Variants in ATXN1 observed in about 807,000 individuals in gnomAD.
ATXN1 encodes ataxin 1.
In ATXN1, 8 loss-of-function variants were observed where a neutral mutation model predicts 56.4. The observed-to-expected ratio is 0.14, with a 90% CI of 0.08 to 0.26. The LOEUF (loss-of-function observed/expected upper bound fraction) is 0.26, where lower values mean the gene tolerates loss of function less well. ATXN1 is among the 10% of genes least tolerant of loss of function. The probability of loss-of-function intolerance (pLI) is 1.00; values close to 1 mark genes in which losing one functional copy is unlikely to be tolerated. For synonymous variants in ATXN1, 514 were observed against 494.6 expected, an observed-to-expected ratio of 1.04 and a Z score of -0.52; for missense variants, 987 against 1,106.5, an observed-to-expected ratio of 0.89 and a Z score of 1.53.
intron 1 of ATXN1, chr6:16,754,705 A>G (rs548825548): frequency 6.6e-6 from 1 of 152,346 alleles, no homozygotes; most frequent in East Asian, 1.9e-4. Flanking sequence ...CTGATATGCA[A>G]AAGAAGGAAT....
chr6:16,435,392 G>C (rs552939049), intron 6 of ATXN1, among the ~76,000 whole-genome samples: 1 of 152,218 alleles, frequency 6.6e-6, no homozygotes, highest in East Asian at 1.9e-4. Context: ...TAGAGACTAA[G>C]CCATGAGGAA....
intron 6 of ATXN1, among the ~76,000 whole-genome samples, chr6:16,466,958 G>A (rs1253584998): frequency 6.6e-6 from 1 of 152,166 alleles, no homozygotes; most frequent in Non-Finnish European, 1.5e-5. Context: ...AATAGTCAGT[G>A]CCTTACACAA....
intron 6 of ATXN1, among the ~76,000 whole-genome samples, chr6:16,383,017 G>A (rs1758162873): frequency 6.6e-6 from 1 of 151,996 alleles, no homozygotes; most frequent in Non-Finnish European, 1.5e-5. Flanking sequence ...TTCCCAGGAC[G>A]ATTGCTCTTC....
At chr6:16,634,487 T>C (rs1429681302) in intron 3 of ATXN1, among the ~76,000 whole-genome samples, 2 of 152,172 alleles carry the variant, frequency 1.3e-5, no homozygotes, top group African/African-American at 4.8e-5. Flanking sequence ...TTTTTTAGTA[T>C]AGTCACTGTT....
chr6:16,603,656 C>T (rs1762950677), intron 3 of ATXN1, among the ~76,000 whole-genome samples: 1 of 152,098 alleles, frequency 6.6e-6, no homozygotes, highest in African/African-American at 2.4e-5. Context: ...AAAACACTGG[C>T]AGAAGTTTAG....
intron 2 of ATXN1, among the ~76,000 whole-genome samples, chr6:16,683,389 C>T (rs1758854261): frequency 6.6e-6 from 1 of 152,216 alleles, no homozygotes; most frequent in East Asian, 1.9e-4. Flanking sequence ...AGGGCAGTTT[C>T]TCAGCTTCAG....
chr6:16,712,287 T>A (rs759388467), intron 2 of ATXN1, among the ~76,000 whole-genome samples: 7 of 151,964 alleles, frequency 4.6e-5, no homozygotes, highest in Non-Finnish European at 5.9e-5. Context: ...AATTTATTAG[T>A]GAAAAGAAAG....
intron 2 of ATXN1, among the ~76,000 whole-genome samples, chr6:16,742,637 C>T (rs1359665572): frequency 6.6e-6 from 1 of 152,218 alleles, no homozygotes; most frequent in Admixed American, 6.5e-5. Flanking sequence ...ACTCCCTCCA[C>T]CTGGAGAAGG....
intron 5 of ATXN1, among the ~76,000 whole-genome samples, chr6:16,515,557 C>A (rs1761165994): frequency 1.3e-5 from 2 of 152,320 alleles, no homozygotes; most frequent in Admixed American, 6.5e-5. Context: ...GAGGGGTCCC[C>A]ATTCTTTGGT....
chr6:16,564,612 C>A (rs1762179679), intron 4 of ATXN1, among the ~76,000 whole-genome samples: 2 of 152,286 alleles, frequency 1.3e-5, no homozygotes, highest in African/African-American at 4.8e-5. Context: ...TCACAGAAGT[C>A]CGCATATTGC....
chr6:16,574,269 G>A (rs978221274), intron 4 of ATXN1, among the ~76,000 whole-genome samples: 3 of 152,188 alleles, frequency 2.0e-5, no homozygotes, highest in South Asian at 2.1e-4. Context: ...GCAGTGGCGC[G>A]ATCTCGGCTC....
chr6:16,388,847 T>C (rs558855359), intron 6 of ATXN1, among the ~76,000 whole-genome samples: 3 of 152,350 alleles, frequency 2.0e-5, no homozygotes, highest in East Asian at 1.9e-4. Context: ...GCTGCAAAGA[T>C]AAATACTGCT....
intron 4 of ATXN1, among the ~76,000 whole-genome samples, chr6:16,550,375 C>T (rs1366054115): frequency 6.6e-6 from 1 of 152,140 alleles, no homozygotes; most frequent in Non-Finnish European, 1.5e-5. Context: ...ATTCAGCCCA[C>T]ACTTGTTCCT....
At chr6:16,482,705 C>T (rs1760463636) in intron 6 of ATXN1, among the ~76,000 whole-genome samples, 1 of 152,176 alleles carries the variant, frequency 6.6e-6, no homozygotes, top group Non-Finnish European at 1.5e-5. Flanking sequence ...AGTCTAAGGA[C>T]AGTCTCAAAT....
intron 2 of ATXN1, among the ~76,000 whole-genome samples, chr6:16,665,963 C>A (rs944236355): frequency 6.6e-6 from 1 of 152,178 alleles, no homozygotes; most frequent in Non-Finnish European, 1.5e-5. Context: ...GGATACCCAT[C>A]ACTTCATTTC....
intron 4 of ATXN1, among the ~76,000 whole-genome samples, chr6:16,560,792 C>T (rs1762101924): frequency 6.6e-6 from 1 of 152,170 alleles, no homozygotes; most frequent in African/African-American, 2.4e-5. Context: ...GCTTACTTTC[C>T]CCCAATTATG....
chr6:16,418,546 C>CT (rs982364078), intron 6 of ATXN1, among the ~76,000 whole-genome samples: 2 of 151,896 alleles, frequency 1.3e-5, no homozygotes, highest in African/African-American at 4.8e-5. Flanking sequence ...TGCAATACTC[C>CT]TTTTTTTTAT....
chr6:16,328,041 G>A lies in ATXN1; in HGVS notation c.270C>T (p.Pro90=), dbSNP rs751491074. Residue 90 remains proline (P), a synonymous_variant, in exon 7 of 8, where the codon CCC becomes CCT. Coordinates refer to ENST00000436367, the MANE Select transcript of ATXN1 (RefSeq NM_001128164.2). This position sits in a 1 kb window ranked among gnomAD's most constrained non-coding sequence, Gnocchi z 6.2. ...ALSTGLDYSP[P]SAPRSVPVAT... Reference sequence around the variant, plus strand: ...CCACGGGGACAGACCTGGGAGCGCTGGGCGGGGAGTAGTCCAGCCCTGTGG... The same window carrying A: ...CCACGGGGACAGACCTGGGAGCGCTAGGCGGGGAGTAGTCCAGCCCTGTGG... 1 of 1,613,628 alleles carries A rather than the reference G, an allele frequency of 6.2e-7. No homozygotes were observed. Among genetic ancestry groups the A allele is most frequent in the East Asian group, 2.2e-5 (1 of 44,888 alleles).
chr6:16,713,767 C>T (rs769769070), intron 2 of ATXN1, among the ~76,000 whole-genome samples: 16 of 152,224 alleles, frequency 1.1e-4, no homozygotes, highest in Admixed American at 2.0e-4. Context: ...ACTATTAAAT[C>T]AGAACCCCTG....
Sources: gnomAD v4.1 joint callset for allele counts (sites outside exome capture counted in the v4.1 genomes callset) on GRCh38, gnomAD v4.1.1 for gene constraint, Gnocchi (gnomAD v3.1) non-coding constraint, MANE v1.5 for transcripts, NCBI Gene and HGNC (gene_info 2026-07-23, HGNC 2026-07-21) for gene names.